Variants in RNF212 observed in about 807,000 individuals in gnomAD.
RNF212 encodes ring finger protein 212, also known as probable E3 SUMO-protein ligase RNF212.
RNF212 carries 33 observed loss-of-function variants against 34.7 expected under a neutral mutation model. That is an observed-to-expected ratio of 0.95 (90% CI 0.72 to 1.27). RNF212 has a LOEUF of 1.27. Ranked by LOEUF, RNF212 falls within the 50% of genes most tolerant of loss-of-function variation. RNF212 has a pLI of 0.00. For synonymous variants in RNF212, 140 were observed against 136.1 expected (o/e 1.03, Z -0.20); for missense variants, 377 against 362.2 (o/e 1.04, Z -0.33).
chr4:1,098,926 A>G (rs1723481656), intron 2 of RNF212, among the ~76,000 whole-genome samples: 1 of 152,140 alleles, frequency 6.6e-6, no homozygotes, highest in Non-Finnish European at 1.5e-5. Context: ...CAGAAATGGG[A>G]GCAACTGAAG....
At chr4:1,104,229 C>T (rs892661391) in intron 2 of RNF212, among the ~76,000 whole-genome samples, 2 of 152,238 alleles carry the variant, frequency 1.3e-5, no homozygotes, top group African/African-American at 4.8e-5. Context: ...TGGAAATTGA[C>T]GACATGCCTC....
intron 3 of RNF212, chr4:1,093,416 A>G (rs1722504511): frequency 2.8e-6 from 4 of 1,423,332 alleles, no homozygotes; most frequent in Non-Finnish European, 3.7e-6. Flanking sequence ...ATTAGAGCAT[A>G]AATGTTACAA....
intron 2 of RNF212, among the ~76,000 whole-genome samples, chr4:1,098,957 G>C (rs998768902): frequency 2.0e-5 from 3 of 152,146 alleles, no homozygotes; most frequent in African/African-American, 4.8e-5. Context: ...AGATCGATCT[G>C]GTTCCATGGC....
chr4:1,089,525 G>A lies in RNF212; in HGVS notation c.303+1257C>T, dbSNP rs998895726. Among the ~76,000 whole-genome samples the A allele has an allele frequency of 3.9e-5, 6 of 152,236 alleles. No individual in the cohort carries two copies. In the East Asian group the frequency reaches 9.6e-4, roughly 24 times the overall value. On this transcript the variant is annotated intron_variant, in intron 4 of 9. Transcript: ENST00000433731. Reference sequence around the variant, plus strand: ...TGGACTTCTGAGTTTATGCGGGAATGAGTTAAAACTTTGGGGGACTGCTGG... The same window carrying A: ...TGGACTTCTGAGTTTATGCGGGAATAAGTTAAAACTTTGGGGGACTGCTGG...
rs575287249 is a variant in RNF212, at chr4:1,060,010, C to T, written n.148-1617G>A. Among the ~76,000 whole-genome samples the T allele has an allele frequency of 4.8e-4, 72 of 150,260 alleles. No individual in the cohort carries two copies. In the South Asian group the frequency reaches 7.3e-3, roughly 15 times the overall value. On this transcript the variant is annotated intron_variant and non_coding_transcript_variant, in intron 3 of 4. Coordinates refer to the RNF212 transcript ENST00000503206. ...TAGGGAGGCTGAGGCAGGAGAATCA[C>T]TTGAACCTGGGAGGCGGAGGTTAGG...
intron 3 of RNF212, among the ~76,000 whole-genome samples, chr4:1,062,812 C>G (rs1321097239): frequency 6.6e-6 from 1 of 152,066 alleles, no homozygotes. Context: ...ACAGAAAACC[C>G]TAGAGAATCC....
intron 3 of RNF212, among the ~76,000 whole-genome samples, chr4:1,064,208 T>C (rs1717938913): frequency 6.6e-6 from 1 of 152,168 alleles, no homozygotes; most frequent in Non-Finnish European, 1.5e-5. Flanking sequence ...ATAGATCCCA[T>C]ATATATGTAC....
At chr4:1,085,529 G>T (rs1488062019) in intron 5 of RNF212, among the ~76,000 whole-genome samples, 1 of 152,228 alleles carries the variant, frequency 6.6e-6, no homozygotes, top group Non-Finnish European at 1.5e-5. Flanking sequence ...CAGAAAGCAG[G>T]CAGCCAGGCT....
downstream of RNF212, among the ~76,000 whole-genome samples, chr4:1,069,077 G>A (rs1718274710): frequency 6.6e-6 from 1 of 152,054 alleles, no homozygotes; most frequent in Non-Finnish European, 1.5e-5. Context: ...TGGGTGTGGT[G>A]GTGCATGCCT....
intron 4 of RNF212, chr4:1,056,946 G>T: frequency 3.0e-6 from 3 of 987,978 alleles, no homozygotes; most frequent in Non-Finnish European, 3.6e-6. Context: ...GCTCTCCCTG[G>T]TAACTGTGGT....
intron 1 of RNF212, among the ~76,000 whole-genome samples, chr4:1,111,724 C>T (rs763984151): frequency 2.4e-4 from 37 of 152,186 alleles, no homozygotes; most frequent in Admixed American, 2.0e-4. Context: ...AAATCAACAA[C>T]TCCACTCCCA....
intron 4 of RNF212, chr4:1,057,078 C>T (rs186598993): frequency 3.1e-5 from 24 of 775,866 alleles, no homozygotes; most frequent in Non-Finnish European, 4.7e-6. Flanking sequence ...CAGCACTGGC[C>T]GTTTTGTGGT....
At chr4:1,104,215 T>G in intron 2 of RNF212, among the ~76,000 whole-genome samples, 1 of 152,356 alleles carries the variant, frequency 6.6e-6, no homozygotes, top group African/African-American at 2.4e-5. Context: ...GGATTCTGTG[T>G]CTGTGGAAAT....
chr4:1,104,682 C>A (rs1043897217), intron 2 of RNF212, among the ~76,000 whole-genome samples: 1 of 152,110 alleles, frequency 6.6e-6, no homozygotes, highest in Non-Finnish European at 1.5e-5. Flanking sequence ...AAAGTCACTC[C>A]CCCAGAGTGG....
At chr4:1,074,349 C>T (rs1359304649) in intron 8 of RNF212, among the ~76,000 whole-genome samples, 1 of 152,220 alleles carries the variant, frequency 6.6e-6, no homozygotes, top group Admixed American at 6.5e-5. Context: ...ATCTCCTGTT[C>T]CCAGGCTCCT....
At chr4:1,106,289 C>CACAG (rs3221827) in intron 2 of RNF212, among the ~76,000 whole-genome samples, 1 of 143,988 alleles carries the variant, frequency 6.9e-6, no homozygotes, top group Admixed American at 6.9e-5. Flanking sequence ...CACACACACA[C>CACAG]AGTCACTCAG....
chr4:1,077,961 A>C (rs1666419275), intron 8 of RNF212, among the ~76,000 whole-genome samples: 1 of 152,138 alleles, frequency 6.6e-6, no homozygotes. Context: ...GCTTGACCCA[A>C]CTGCCAAGGA....
chr4:1,081,924 G>A, intron 5 of RNF212: 1 of 342,470 alleles, frequency 2.9e-6, no homozygotes. Context: ...ATTAAGACCT[G>A]ACAACAGGAG....
At chr4:1,058,369 T>C in exon 4 of RNF212, 1 of 984,510 alleles carries the variant, frequency 1.0e-6, no homozygotes, top group Non-Finnish European at 1.2e-6. Flanking sequence ...GCCGGGATGC[T>C]CGGGGCCCAG....
Sources: gnomAD v4.1 joint callset for allele counts (sites outside exome capture counted in the v4.1 genomes callset) on GRCh38, gnomAD v4.1.1 for gene constraint, MANE v1.5 for transcripts, NCBI Gene and HGNC (gene_info 2026-07-23, HGNC 2026-07-21) for gene names.